Variants in ABRAXAS1 observed in about 807,000 individuals in gnomAD.
ABRAXAS1 encodes the protein BRCA1-A complex subunit Abraxas 1.
In ABRAXAS1, 26 loss-of-function variants were observed where a neutral mutation model predicts 38.4. The observed-to-expected ratio is 0.68, with a 90% CI of 0.50 to 0.94. The LOEUF (loss-of-function observed/expected upper bound fraction) is 0.94, where lower values mean the gene tolerates loss of function less well. Ranked by LOEUF, ABRAXAS1 falls within the 40% of genes least tolerant of loss-of-function variation. The probability of loss-of-function intolerance (pLI) is 0.00; values close to 1 mark genes in which losing one functional copy is unlikely to be tolerated. For synonymous variants in ABRAXAS1, 144 were observed against 165.5 expected (o/e 0.87, Z 1.00); for missense variants, 438 against 481.9 (o/e 0.91, Z 0.85).
chr4:83,462,387 A>T lies in ABRAXAS1; in HGVS notation c.*82T>A. On this transcript the variant is annotated 3_prime_UTR_variant, in exon 9 of 9. Transcript: ENST00000321945. ...AAAAACAAATGAACTTACTGCAAGT[A>T]GCTCAACATAGTAAAAACAATAGAA... 1 of 1,216,380 alleles carries T rather than the reference A, an allele frequency of 8.2e-7. No homozygotes were observed. Among genetic ancestry groups the T allele is most frequent in the Non-Finnish European group, 1.2e-6 (1 of 863,296 alleles). The allele number at this position is 1,216,380 out of a possible 1,614,324, so 75.3% of individuals were successfully genotyped here.
In ABRAXAS1 at chr4:83,462,858, A is replaced by C. The variant is rs1722188226; in HGVS notation, c.841T>G (p.Cys281Gly). 6.2e-7 allele frequency: 1 copy of C among 1,603,744 alleles called. No individual in the cohort carries two copies. The highest frequency in any genetic ancestry group is 1.1e-5 in the South Asian group (1 of 88,794). The change falls in exon 9 of 9, where the codon TGT (cysteine) becomes GGT (glycine). Residue 281 changes from cysteine (C) to glycine (G), a missense_variant. Transcript: ENST00000321945. ...QKDPQENIFL[C>G]QALRTFFPNS... ...GGAAAAAAGGTCCGTAATGCCTGAC[A>C]AAGAAAAATGTTCTCCTGAGGGTCT...
In ABRAXAS1 at chr4:83,462,454, G is replaced by C. The variant is rs374462211; in HGVS notation, c.*15C>G. On this transcript the variant is annotated 3_prime_UTR_variant, in exon 9 of 9. Coordinates refer to ENST00000321945, the MANE Select transcript of ABRAXAS1 (RefSeq NM_139076.3). ...ATCAGCCAAATAAAAAAATCTCCTT[G>C]TAAGGTTAAAAGGATCAAAATGTAG... 1.6e-4 allele frequency: 255 copies of C among 1,580,538 alleles called. No homozygotes were observed. In the African/African-American group the frequency reaches 3.0e-3, roughly 18 times the overall value.
chr4:83,483,703 G>A (rs912253157), intron 1 of ABRAXAS1, among the ~76,000 whole-genome samples: 6 of 151,298 alleles, frequency 4.0e-5, no homozygotes, highest in African/African-American at 1.2e-4. Context: ...CTCAAAAGAC[G>A]AACTCAGGGA....
In ABRAXAS1 at chr4:83,480,241, G is replaced by A. The variant is rs143357770; in HGVS notation, c.178+1913C>T. ...AAAAAAATTAGCCGGGCATGGTTGC[G>A]TGTGCCTGTAATCCCAGCTACTCCG... On this transcript the variant is annotated intron_variant, in intron 2 of 8. Transcript: ENST00000321945. 9.5e-3 allele frequency: 2,380 copies of A among 250,980 alleles called. 53 individuals are homozygous for A. The highest frequency in any genetic ancestry group is 0.052 in the African/African-American group (2,218 of 42,250). The allele number at this position is 250,980 out of a possible 1,614,324, so 15.5% of individuals were successfully genotyped here.
intron 3 of ABRAXAS1, among the ~76,000 whole-genome samples, chr4:83,475,140 G>T (rs1416287412): frequency 6.6e-6 from 1 of 152,196 alleles, no homozygotes; most frequent in Non-Finnish European, 1.5e-5. Flanking sequence ...AAAAGGTACT[G>T]AATCACTTTT....
intron 7 of ABRAXAS1, chr4:83,466,947 T>A (rs1722383554): frequency 6.5e-6 from 1 of 153,418 alleles, no homozygotes; most frequent in Admixed American, 6.5e-5. Flanking sequence ...GGAGTAGAGC[T>A]ACAGCCAAGA....
In ABRAXAS1 at chr4:83,463,491, T is replaced by TA. The variant is rs780887812; in HGVS notation, c.796+2dup. On this transcript the variant is annotated splice_region_variant and intron_variant, in intron 8 of 8. Coordinates refer to ENST00000321945, the MANE Select transcript of ABRAXAS1 (RefSeq NM_139076.3). The stretch of plus-strand genomic sequence containing the variant: ...AGAAAGTAGAGATGTGTTGTTTACT[T>TA]ACTTGCTGCCTGAATCTGTGCTCCT... The TA allele has an allele frequency of 6.3e-7, 1 of 1,578,718 alleles. No individual in the cohort carries two copies.
intron 3 of ABRAXAS1, among the ~76,000 whole-genome samples, chr4:83,472,780 GTT>G (rs911425056): frequency 2.6e-5 from 4 of 152,296 alleles, no homozygotes; most frequent in Non-Finnish European, 5.9e-5. Flanking sequence ...AAGGGAATAG[GTT>G]TTGTTTGGTT....
intron 2 of ABRAXAS1, chr4:83,479,366 T>C (rs944954379): frequency 1.1e-4 from 15 of 138,112 alleles, no homozygotes; most frequent in Non-Finnish European, 1.7e-4. Context: ...ATCCCACCAC[T>C]GCACTCCAGC....
At position 83,460,379 on chromosome 4, in the gene ABRAXAS1, T is replaced by A. The variant is rs1722042520; in HGVS notation, c.*2090A>T. 6.6e-6 allele frequency: 1 copy of A among 152,228 alleles called. No individual in the cohort carries two copies. Among genetic ancestry groups the A allele is most frequent in the African/African-American group, 2.4e-5 (1 of 41,412 alleles). The allele number at this position is 152,228 out of a possible 1,614,324, so 9.4% of individuals were successfully genotyped here. On this transcript the variant is annotated 3_prime_UTR_variant, in exon 9 of 9. Coordinates refer to ENST00000321945, the MANE Select transcript of ABRAXAS1 (RefSeq NM_139076.3). ...CATGTTGGCCAGGCTGGTCTTGAATTCCTGACCTCAGGTGATCCACCTGCC... is the reference window on the plus strand; with the variant it reads ...CATGTTGGCCAGGCTGGTCTTGAATACCTGACCTCAGGTGATCCACCTGCC...
At chr4:83,467,794 G>T (rs1722428252) in intron 6 of ABRAXAS1, among the ~76,000 whole-genome samples, 1 of 152,048 alleles carries the variant, frequency 6.6e-6, no homozygotes, top group African/African-American at 2.4e-5. Flanking sequence ...CGGGGGATGG[G>T]GGAAGATTGC....
Position 83,462,651 on chromosome 4 carries a change from C to G in ABRAXAS1, c.1048G>C (p.Asp350His), listed in dbSNP as rs751068863. ...TTGAATTGCCATCTGTCATCTAAGT[C>G]TAAGGCTTTATGCTTAATGATTTGT... The part of the protein sequence containing the change: ...TPQIIKHKAL[D>H]LDDRWQFKRS... Residue 350 changes from aspartate to histidine, a missense_variant, in exon 9 of 9, where the codon GAC (aspartate) becomes CAC (histidine). Asp to His is a moderately conservative substitution (Grantham distance 81, BLOSUM62 -1). Transcript: ENST00000321945. 6.2e-7 allele frequency: 1 copy of G among 1,614,040 alleles called. No individual in the cohort carries two copies. Among genetic ancestry groups the G allele is most frequent in the Non-Finnish European group, 8.5e-7 (1 of 1,180,014 alleles).
chr4:83,477,868 T>G (rs1450088356), intron 2 of ABRAXAS1: 2 of 748,626 alleles, frequency 2.7e-6, no homozygotes, highest in African/African-American at 3.5e-5. Flanking sequence ...AAGATGAAAC[T>G]CTTTTAATCA....
chr4:83,461,437 A>G lies in ABRAXAS1; in HGVS notation c.*1032T>C. On this transcript the variant is annotated 3_prime_UTR_variant, in exon 9 of 9. Transcript: ENST00000321945. Reference sequence around the variant, plus strand: ...GATTGTCATTTATATCTGATCCCCAAATAGCTCATACAATAATCCATTCAA... The same window carrying G: ...GATTGTCATTTATATCTGATCCCCAGATAGCTCATACAATAATCCATTCAA... The G allele has an allele frequency of 4.3e-6, 2 of 466,684 alleles. No individual in the cohort carries two copies. Among genetic ancestry groups the G allele is most frequent in the Non-Finnish European group, 7.9e-6 (2 of 254,400 alleles). 28.9% of individuals were successfully genotyped at this position (466,684 alleles called of 1,614,324 possible).
At position 83,461,198 on chromosome 4, in the gene ABRAXAS1, A is replaced by G. The variant is rs1722097139; in HGVS notation, c.*1271T>C. The G allele has an allele frequency of 6.2e-7, 1 of 1,611,086 alleles. No homozygotes were observed. Among genetic ancestry groups the G allele is most frequent in the Non-Finnish European group, 8.5e-7 (1 of 1,178,830 alleles). On this transcript the variant is annotated 3_prime_UTR_variant, in exon 9 of 9. Transcript: ENST00000321945. Reference sequence around the variant, plus strand: ...TTGTAACATCAGATATCGGGAATAAATTCTATCACGTTACCACTAATAAAC... The same window carrying G: ...TTGTAACATCAGATATCGGGAATAAGTTCTATCACGTTACCACTAATAAAC...
intron 7 of ABRAXAS1, 82 bp downstream of exon 7, chr4:83,467,372 A>G (rs940210477): frequency 2.5e-6 from 2 of 804,354 alleles, no homozygotes; most frequent in African/African-American, 3.4e-5. Flanking sequence ...TCAAGATGTC[A>G]GGTTATCCTA....
Position 83,461,392 on chromosome 4 carries a change from G to T in ABRAXAS1, c.*1077C>A. The T allele has an allele frequency of 1.8e-6, 1 of 552,622 alleles. No homozygotes were observed. Among genetic ancestry groups the T allele is most frequent in the African/African-American group, 1.9e-5 (1 of 53,108 alleles). 34.2% of individuals were successfully genotyped at this position (552,622 alleles called of 1,614,324 possible). ...ACACTCATCACATTTTATCTATGTT[G>T]AATAAAAGTGGTTCTGTGTGATTGT... On this transcript the variant is annotated 3_prime_UTR_variant, in exon 9 of 9. Transcript: ENST00000321945.
intron 6 of ABRAXAS1, 65 bp downstream of exon 6, chr4:83,468,967 T>C (rs1463305934): frequency 4.5e-6 from 7 of 1,567,664 alleles, no homozygotes; most frequent in African/African-American, 2.7e-5. Flanking sequence ...TGCTGTTGTT[T>C]GAGAAATAAG....
chr4:83,471,490 GA>G (rs1270350144), intron 4 of ABRAXAS1, among the ~76,000 whole-genome samples: 1 of 151,976 alleles, frequency 6.6e-6, no homozygotes, highest in Non-Finnish European at 1.5e-5. Context: ...TTAAAGGCAT[GA>G]GCCACTGTGC....
Sources: gnomAD v4.1 joint callset for allele counts (sites outside exome capture counted in the v4.1 genomes callset) on GRCh38, gnomAD v4.1.1 for gene constraint, MANE v1.5 for transcripts, NCBI Gene and HGNC (gene_info 2026-07-23, HGNC 2026-07-21) for gene names.